The following KCNQ5 variants were observed in gnomAD, a reference collection of about 807,000 sequenced individuals.
KCNQ5 encodes potassium voltage-gated channel subfamily Q member 5.
A neutral mutation model predicts 98.2 loss-of-function variants in KCNQ5; 30 were observed. The ratio of observed to expected loss-of-function variants is 0.31; its 90% CI spans 0.23 to 0.41. The LOEUF is 0.41. Among genes scored for constraint, KCNQ5 ranks in the 10% least tolerant of loss-of-function variants. KCNQ5 has a pLI of 1.00. For synonymous variants in KCNQ5, 458 were observed against 449.4 expected (o/e 1.02, Z -0.24); for missense variants, 835 against 1,182.5 (o/e 0.71, Z 4.31).
intron 5 of KCNQ5, among the ~76,000 whole-genome samples, chr6:73,085,734 C>T (rs117775846): frequency 3.3e-5 from 5 of 152,314 alleles, no homozygotes; most frequent in Non-Finnish European, 7.3e-5. Context: ...AAAGCAGGCA[C>T]TCTTTTCTAC....
chr6:73,027,840 T>A (rs1770960267), intron 2 of KCNQ5, among the ~76,000 whole-genome samples: 1 of 152,206 alleles, frequency 6.6e-6, no homozygotes, highest in Admixed American at 6.5e-5. Flanking sequence ...TGGAAGAAGA[T>A]AAGATTCCAC....
At chr6:72,822,397 A>G (rs1018677582) in intron 1 of KCNQ5, among the ~76,000 whole-genome samples, 3 of 152,216 alleles carry the variant, frequency 2.0e-5, no homozygotes, top group African/African-American at 7.2e-5. Flanking sequence ...TCATAGAATG[A>G]TGTGCATGTT....
chr6:73,039,287 T>C (rs1420830262), intron 2 of KCNQ5, among the ~76,000 whole-genome samples: 1 of 152,150 alleles, frequency 6.6e-6, no homozygotes, highest in Admixed American at 6.5e-5. Context: ...TTTCATGGAT[T>C]TTCCATATTG....
chr6:72,664,618 T>C (rs1766702008), intron 1 of KCNQ5, among the ~76,000 whole-genome samples: 1 of 151,978 alleles, frequency 6.6e-6, no homozygotes, highest in Non-Finnish European at 1.5e-5. Flanking sequence ...TCGTACCCAC[T>C]GCACTCCAGC....
intron 5 of KCNQ5, among the ~76,000 whole-genome samples, chr6:73,102,689 G>T (rs1774836811): frequency 1.3e-5 from 2 of 152,232 alleles, no homozygotes; most frequent in South Asian, 2.1e-4. Flanking sequence ...ACTGCAATGA[G>T]ATATCATCTC....
chr6:73,198,227 T>C lies in KCNQ5; in HGVS notation c.*2813T>C, dbSNP rs1765867103. 6.6e-6 allele frequency: 1 copy of C among 152,244 alleles called. No homozygotes were observed. The highest frequency in any genetic ancestry group is 6.5e-5 in the Admixed American group (1 of 15,288). The allele number at this position is 152,244 out of a possible 1,614,324, so 9.4% of individuals were successfully genotyped here. On this transcript the variant is annotated 3_prime_UTR_variant, in exon 14 of 14. Coordinates refer to ENST00000370398, the MANE Select transcript of KCNQ5 (RefSeq NM_019842.4). ...CAACATGTAGGGTTGATCAAGCTAA[T>C]ACTTAATTGCAAATATCCCTTGTAT...
At chr6:72,731,031 T>C (rs1770528411) in intron 1 of KCNQ5, among the ~76,000 whole-genome samples, 1 of 152,244 alleles carries the variant, frequency 6.6e-6, no homozygotes, top group African/African-American at 2.4e-5. Flanking sequence ...TAAGTGTTTT[T>C]CTATTTCTGA....
chr6:72,643,650 A>G (rs1405350932), intron 1 of KCNQ5, among the ~76,000 whole-genome samples: 1 of 152,152 alleles, frequency 6.6e-6, no homozygotes, highest in East Asian at 1.9e-4. Flanking sequence ...CAAATTTTCA[A>G]AAAAAACCTG....
intron 5 of KCNQ5, among the ~76,000 whole-genome samples, chr6:73,087,839 A>G (rs1774054252): frequency 6.6e-6 from 1 of 152,082 alleles, no homozygotes; most frequent in Non-Finnish European, 1.5e-5. Flanking sequence ...CTGGCATCAT[A>G]GAATTTGTCT....
chr6:72,635,273 T>C (rs146201745), intron 1 of KCNQ5, among the ~76,000 whole-genome samples: 2,801 of 151,816 alleles, frequency 0.018, 69 homozygotes, highest in African/African-American at 0.062. Context: ...CAAGCAATCC[T>C]CCCGCCTTGG....
chr6:72,794,198 A>G (rs1464597888), intron 1 of KCNQ5, among the ~76,000 whole-genome samples: 1 of 152,242 alleles, frequency 6.6e-6, no homozygotes, highest in Non-Finnish European at 1.5e-5. Flanking sequence ...TCCGAAAGTG[A>G]TAAATGAACA....
intron 2 of KCNQ5, among the ~76,000 whole-genome samples, chr6:73,012,736 G>A (rs1439528028): frequency 6.6e-6 from 1 of 151,844 alleles, no homozygotes; most frequent in Non-Finnish European, 1.5e-5. Context: ...CTAAGTGATG[G>A]GTTGATAGAT....
chr6:72,951,501 C>A (rs370892180), intron 1 of KCNQ5, among the ~76,000 whole-genome samples: 2 of 125,140 alleles, frequency 1.6e-5, no homozygotes, highest in South Asian at 5.8e-4. Flanking sequence ...CCAGGTTGGT[C>A]TTGAACTCTT....
chr6:73,005,602 A>G (rs1458855825), intron 2 of KCNQ5, among the ~76,000 whole-genome samples: 2 of 151,894 alleles, frequency 1.3e-5, no homozygotes, highest in East Asian at 3.8e-4. Flanking sequence ...CACAAAGTCT[A>G]AAACTGATTA....
intron 1 of KCNQ5, among the ~76,000 whole-genome samples, chr6:72,842,386 A>G (rs529338471): frequency 8.5e-5 from 13 of 152,356 alleles, no homozygotes; most frequent in Admixed American, 2.0e-4. Context: ...CATTGAATGC[A>G]TACTGCATGC....
chr6:72,951,926 T>C (rs563234396), intron 1 of KCNQ5, among the ~76,000 whole-genome samples: 1 of 152,304 alleles, frequency 6.6e-6, no homozygotes, highest in East Asian at 1.9e-4. Context: ...AGTGGAATAG[T>C]CATCAACATT....
chr6:72,984,749 C>A (rs984909543), intron 1 of KCNQ5, among the ~76,000 whole-genome samples: 1 of 152,208 alleles, frequency 6.6e-6, no homozygotes, highest in Non-Finnish European at 1.5e-5. Flanking sequence ...TGAGATGAAC[C>A]AGGTACCTCA....
chr6:72,848,889 T>C (rs150552838), intron 1 of KCNQ5, among the ~76,000 whole-genome samples: 6 of 152,256 alleles, frequency 3.9e-5, no homozygotes, highest in East Asian at 1.9e-4. Flanking sequence ...AATTGCAGGT[T>C]TCTTAAGGTC....
chr6:73,052,571 T>C (rs893460236), intron 3 of KCNQ5, among the ~76,000 whole-genome samples: 12 of 152,192 alleles, frequency 7.9e-5, no homozygotes, highest in African/African-American at 2.9e-4. Context: ...CAGCAGAGAT[T>C]GAGGACCTAT....
Sources: allele counts gnomAD v4.1 joint callset (sites outside exome capture counted in the v4.1 genomes callset), GRCh38; gene constraint gnomAD v4.1.1; transcripts MANE v1.5; gene names NCBI Gene and HGNC (gene_info 2026-07-23, HGNC 2026-07-21).